SPAG16: variants seen among roughly 807,000 people sequenced by gnomAD.
The protein encoded by SPAG16 is sperm associated antigen 16.
A neutral mutation model predicts 80.4 loss-of-function variants in SPAG16; 86 were observed. The ratio of observed to expected loss-of-function variants is 1.07; its 90% CI spans 0.90 to 1.28. SPAG16 has a LOEUF of 1.28. Among genes scored for constraint, SPAG16 ranks in the 50% most tolerant of loss-of-function variants. The pLI is 0.00. For synonymous variants in SPAG16, 294 were observed against 265.9 expected (o/e 1.11, Z -1.03); for missense variants, 870 against 765.3 (o/e 1.14, Z -1.61).
At chr2:213,601,592 C>T (rs190036057) in intron 10 of SPAG16, among the ~76,000 whole-genome samples, 1 of 151,114 alleles carries the variant, frequency 6.6e-6, no homozygotes, top group Admixed American at 6.6e-5. Flanking sequence ...GATCAACTCA[C>T]CTTAAATCTG....
intron 5 of SPAG16, among the ~76,000 whole-genome samples, chr2:213,324,717 T>C (rs1227854359): frequency 2.0e-5 from 3 of 152,156 alleles, no homozygotes; most frequent in Non-Finnish European, 4.4e-5. Flanking sequence ...GAGGTACAAA[T>C]ATTTGGTGGG....
chr2:213,414,539 C>T (rs1422447587), intron 9 of SPAG16, among the ~76,000 whole-genome samples: 1 of 151,926 alleles, frequency 6.6e-6, no homozygotes, highest in Non-Finnish European at 1.5e-5. Context: ...CATTTTCAAA[C>T]AGGAAAATGA....
chr2:214,189,028 T>C (rs879576008), intron 15 of SPAG16, among the ~76,000 whole-genome samples: 2 of 152,086 alleles, frequency 1.3e-5, no homozygotes, highest in Non-Finnish European at 2.9e-5. Context: ...ATCGTGGTCT[T>C]TTTACCTTTT....
intron 14 of SPAG16, among the ~76,000 whole-genome samples, chr2:214,111,295 A>G (rs1433369950): frequency 6.6e-6 from 1 of 152,120 alleles, no homozygotes; most frequent in Non-Finnish European, 1.5e-5. Flanking sequence ...TCCATCTTGA[A>G]TTAATTTTTG....
intron 13 of SPAG16, among the ~76,000 whole-genome samples, chr2:214,089,024 G>A (rs1368765546): frequency 6.6e-6 from 1 of 152,048 alleles, no homozygotes; most frequent in Non-Finnish European, 1.5e-5. Flanking sequence ...GCATATTAAA[G>A]AATAAGTAAT....
chr2:213,405,038 A>G lies in SPAG16; in HGVS notation c.942+29919A>G, dbSNP rs77162935. Among the ~76,000 whole-genome samples the G allele has an allele frequency of 8.6e-3, 1,310 of 152,276 alleles. 17 individuals carry two copies. The highest frequency in any genetic ancestry group is 0.029 in the African/African-American group (1,223 of 41,556). On this transcript the variant is annotated intron_variant, in intron 9 of 15. Coordinates refer to ENST00000331683, the MANE Select transcript of SPAG16 (RefSeq NM_024532.5). ...TGTGCTTATGGTTGCTAGCTCCTAT[A>G]CAGTTATTTTACTTTATTTTGTCCA...
At chr2:213,514,635 A>T (rs1168405850) in intron 10 of SPAG16, among the ~76,000 whole-genome samples, 1 of 106,718 alleles carries the variant, frequency 9.4e-6, no homozygotes, top group Non-Finnish European at 1.8e-5. Flanking sequence ...ACCCCACCAC[A>T]GTCCCCAGAG....
chr2:213,672,462 G>T (rs886635574), intron 10 of SPAG16, among the ~76,000 whole-genome samples: 4 of 151,792 alleles, frequency 2.6e-5, no homozygotes, highest in African/African-American at 9.7e-5. Context: ...TTTTTTAAAA[G>T]GAAGAACCTC....
intron 15 of SPAG16, among the ~76,000 whole-genome samples, chr2:214,157,629 C>A (rs1391366034): frequency 6.6e-6 from 1 of 151,924 alleles, no homozygotes; most frequent in Non-Finnish European, 1.5e-5. Context: ...AATGTCCATT[C>A]TGATTGGTTG....
At chr2:214,216,764 T>G (rs1180480394) in intron 15 of SPAG16, among the ~76,000 whole-genome samples, 1 of 152,238 alleles carries the variant, frequency 6.6e-6, no homozygotes, top group Non-Finnish European at 1.5e-5. Context: ...CACAACTTCA[T>G]GTTAATTATA....
At chr2:214,183,247 A>T (rs2057361026) in intron 15 of SPAG16, among the ~76,000 whole-genome samples, 2 of 151,974 alleles carry the variant, frequency 1.3e-5, no homozygotes, top group African/African-American at 4.8e-5. Flanking sequence ...TTCTGTCCCC[A>T]TATCATGCCT....
rs574299933 is a variant in SPAG16, at chr2:213,847,161, A to C, written c.1071-15324A>C. Among the ~76,000 whole-genome samples the C allele has an allele frequency of 2.6e-5, 4 of 152,224 alleles. No individual in the cohort carries two copies. The East Asian group carries it at 5.8e-4, about 22-fold the overall frequency. ...CTGTCTCATTTAATTTCCCTTGCTC[A>C]TAGGGACTGCTGTAATTAGACTAGA... On this transcript the variant is annotated intron_variant, in intron 10 of 15. Coordinates refer to ENST00000331683, the MANE Select transcript of SPAG16 (RefSeq NM_024532.5).
chr2:214,250,781 G>A (rs1318344266), intron 15 of SPAG16, among the ~76,000 whole-genome samples: 4 of 145,706 alleles, frequency 2.7e-5, no homozygotes, highest in Non-Finnish European at 4.5e-5. Context: ...GAGAGAGAGA[G>A]AGAGAGAGTC....
chr2:213,424,519 T>C (rs1427520422), intron 9 of SPAG16, among the ~76,000 whole-genome samples: 1 of 152,212 alleles, frequency 6.6e-6, no homozygotes, highest in Non-Finnish European at 1.5e-5. Flanking sequence ...TATGGCTAAT[T>C]TACTGGAGTT....
intron 15 of SPAG16, among the ~76,000 whole-genome samples, chr2:214,327,191 GACCA>G (rs1164845643): frequency 1.3e-5 from 2 of 152,134 alleles, no homozygotes; most frequent in African/African-American, 2.4e-5. Flanking sequence ...AATCAAACTG[GACCA>G]TGTTTGTGAG....
intron 10 of SPAG16, among the ~76,000 whole-genome samples, chr2:213,652,011 C>T (rs984001359): frequency 9.2e-5 from 14 of 152,084 alleles, no homozygotes; most frequent in African/African-American, 3.1e-4. Context: ...CTTTGACATT[C>T]CAAGGCAGCT....
At chr2:213,729,848 A>C (rs771812276) in intron 10 of SPAG16, among the ~76,000 whole-genome samples, 1 of 152,212 alleles carries the variant, frequency 6.6e-6, no homozygotes, top group Non-Finnish European at 1.5e-5. Context: ...CCTTGGTGAG[A>C]ACAGACTAAC....
At chr2:214,182,622 T>A (rs538500446) in intron 15 of SPAG16, among the ~76,000 whole-genome samples, 1 of 152,082 alleles carries the variant, frequency 6.6e-6, no homozygotes, top group South Asian at 2.1e-4. Flanking sequence ...CTTTCATGGC[T>A]GTTACCTGAT....
At chr2:214,028,166 G>A (rs777487673) in intron 13 of SPAG16, among the ~76,000 whole-genome samples, 7 of 151,836 alleles carry the variant, frequency 4.6e-5, no homozygotes, top group African/African-American at 1.4e-4. Context: ...TGCCTTTTCC[G>A]TATTTTCTGT....
Sources: gnomAD v4.1 joint callset for allele counts (sites outside exome capture counted in the v4.1 genomes callset) on GRCh38, gnomAD v4.1.1 for gene constraint, MANE v1.5 for transcripts, NCBI Gene and HGNC (gene_info 2026-07-23, HGNC 2026-07-21) for gene names.